Variants in SLC39A12 observed in about 807,000 individuals in gnomAD.
The protein encoded by SLC39A12 is zinc transporter ZIP12.
SLC39A12 carries 63 observed loss-of-function variants against 71.1 expected under a neutral mutation model. The ratio of observed to expected loss-of-function variants is 0.89; its 90% confidence interval spans 0.72 to 1.09. SLC39A12 has a LOEUF of 1.09. SLC39A12 is among the 50% of genes least tolerant of loss of function. The pLI, the probability that SLC39A12 is intolerant of heterozygous loss-of-function variation, is 0.00. For missense variants in SLC39A12, 892 were observed against 812.6 expected (o/e 1.10, Z -1.19); for synonymous variants, 351 against 301.3 (o/e 1.16, Z -1.71).
chr10:18,024,783 C>T (rs1278538435), intron 12 of SLC39A12, among the ~76,000 whole-genome samples: 1 of 152,130 alleles, frequency 6.6e-6, no homozygotes, highest in Admixed American at 6.5e-5. Context: ...TATTTTAATG[C>T]TGTCTTGGTA....
chr10:17,995,758 C>T (rs1295321614), intron 10 of SLC39A12, 36 bp downstream of exon 10: 5 of 1,550,264 alleles, frequency 3.2e-6, no homozygotes, highest in Non-Finnish European at 4.4e-6. Flanking sequence ...GTGGAAAGTG[C>T]CATAGAAAAA....
chr10:18,040,288 A>G (rs1233181038), intron 12 of SLC39A12, among the ~76,000 whole-genome samples: 1 of 152,132 alleles, frequency 6.6e-6, no homozygotes, highest in Non-Finnish European at 1.5e-5. Context: ...AGAGCATGTA[A>G]TTTGTTTAAA....
At chr10:18,010,773 A>G (rs1178880848) in intron 12 of SLC39A12, among the ~76,000 whole-genome samples, 1 of 152,138 alleles carries the variant, frequency 6.6e-6, no homozygotes, top group Non-Finnish European at 1.5e-5. Context: ...CAGTTATTTT[A>G]AAAATGCAGT....
chr10:18,006,074 A>G (rs1242423606), intron 12 of SLC39A12, among the ~76,000 whole-genome samples: 2 of 152,222 alleles, frequency 1.3e-5, no homozygotes, highest in African/African-American at 2.4e-5. Flanking sequence ...AAATAAATGC[A>G]GCAACTAAGG....
chr10:17,975,810 G>A (rs1362729420), intron 4 of SLC39A12, among the ~76,000 whole-genome samples: 1 of 152,166 alleles, frequency 6.6e-6, no homozygotes, highest in African/African-American at 2.4e-5. Context: ...ACTTTAGCCT[G>A]AGGTGGCAAG....
At chr10:18,031,488 T>A (rs1432890273) in intron 12 of SLC39A12, among the ~76,000 whole-genome samples, 1 of 126,258 alleles carries the variant, frequency 7.9e-6, no homozygotes. Context: ...CACTTTTTGA[T>A]GGGGTTGTTT....
intron 3 of SLC39A12, among the ~76,000 whole-genome samples, chr10:17,962,484 T>C (rs1008926720): frequency 6.6e-6 from 1 of 152,132 alleles, no homozygotes; most frequent in Admixed American, 6.5e-5. Context: ...GTTTTTGCTT[T>C]CTGGTTTGCA....
At chr10:18,015,905 T>C (rs1836367097) in intron 12 of SLC39A12, among the ~76,000 whole-genome samples, 1 of 152,070 alleles carries the variant, frequency 6.6e-6, no homozygotes, top group Non-Finnish European at 1.5e-5. Context: ...TAGGGCAGTT[T>C]TGGGTTCACA....
chr10:18,039,632 G>A (rs1481978080), intron 12 of SLC39A12, among the ~76,000 whole-genome samples: 3 of 152,134 alleles, frequency 2.0e-5, no homozygotes, highest in African/African-American at 7.2e-5. Context: ...GGAGGCTGAA[G>A]TGGGAGGATT....
At chr10:17,972,893 G>C (rs2130796730) in intron 4 of SLC39A12, among the ~76,000 whole-genome samples, 1 of 151,754 alleles carries the variant, frequency 6.6e-6, no homozygotes, top group South Asian at 2.1e-4. Context: ...TTGTTTTCTG[G>C]TTGTTTTATG....
chr10:18,006,953 C>T (rs751612481), intron 12 of SLC39A12, among the ~76,000 whole-genome samples: 1 of 152,196 alleles, frequency 6.6e-6, no homozygotes, highest in African/African-American at 2.4e-5. Context: ...AGAGATGGGG[C>T]TGAGTGCATC....
At chr10:17,957,762 T>C (rs1263349419) in intron 2 of SLC39A12, among the ~76,000 whole-genome samples, 2 of 152,212 alleles carry the variant, frequency 1.3e-5, no homozygotes, top group Non-Finnish European at 2.9e-5. Flanking sequence ...GGAAGAATTC[T>C]TATTTTATGT....
chr10:18,036,352 G>A (rs1402082278), intron 12 of SLC39A12, among the ~76,000 whole-genome samples: 1 of 152,126 alleles, frequency 6.6e-6, no homozygotes, highest in Admixed American at 6.5e-5. Context: ...ATCTCGTGGT[G>A]CGCCGTTTTT....
chr10:17,999,067 C>A (rs921326845), intron 10 of SLC39A12, among the ~76,000 whole-genome samples: 1 of 152,046 alleles, frequency 6.6e-6, no homozygotes, highest in Admixed American at 6.6e-5. Context: ...GAGGCCGAGG[C>A]GGGTGGATCA....
At chr10:18,000,911 C>A in intron 11 of SLC39A12, 86 bp downstream of exon 11, 1 of 1,278,824 alleles carries the variant, frequency 7.8e-7, no homozygotes, top group Non-Finnish European at 1.1e-6. Flanking sequence ...GATTCTTTTT[C>A]TAACCTATGA....
chr10:17,991,460 T>C (rs576693525), intron 8 of SLC39A12, among the ~76,000 whole-genome samples, 157 bp downstream of exon 8: 1 of 152,302 alleles, frequency 6.6e-6, no homozygotes, highest in South Asian at 2.1e-4. Context: ...TCTAATAGGA[T>C]ATTAATTTTT....
At chr10:18,029,556 C>A (rs143578874) in intron 12 of SLC39A12, among the ~76,000 whole-genome samples, 45 of 152,316 alleles carry the variant, frequency 3.0e-4, no homozygotes, top group African/African-American at 1.0e-3. Context: ...AAGAACATTT[C>A]TCTTAGCACT....
At chr10:18,003,711 A>T (rs1005077567) in intron 12 of SLC39A12, among the ~76,000 whole-genome samples, 4 of 152,196 alleles carry the variant, frequency 2.6e-5, no homozygotes, top group Non-Finnish European at 4.4e-5. Context: ...CCTATATATG[A>T]TGCCTGTATT....
At chr10:17,971,991 C>T (rs1224885457) in intron 4 of SLC39A12, among the ~76,000 whole-genome samples, 1 of 152,114 alleles carries the variant, frequency 6.6e-6, no homozygotes, top group Non-Finnish European at 1.5e-5. Flanking sequence ...CCTCTTAGCA[C>T]CACTTTTGTT....
Sources: gnomAD v4.1 joint callset for allele counts (sites outside exome capture counted in the v4.1 genomes callset) on GRCh38, gnomAD v4.1.1 for gene constraint, MANE v1.5 for transcripts, NCBI Gene and HGNC (gene_info 2026-07-23, HGNC 2026-07-21) for gene names.